The following CSMD1 variants were observed in gnomAD, a reference collection of about 807,000 sequenced individuals.
CSMD1 encodes CUB and Sushi multiple domains 1.
In CSMD1, 213 loss-of-function variants were observed where a neutral mutation model predicts 417.5. That is an observed-to-expected ratio of 0.51 (90% CI 0.46 to 0.57). The LOEUF is 0.57. Among genes scored for constraint, CSMD1 ranks in the 20% least tolerant of loss-of-function variants. The pLI, the probability that CSMD1 is intolerant of heterozygous loss-of-function variation, is 0.00. For synonymous variants in CSMD1, 2,862 were observed against 1,736.8 expected, an observed-to-expected ratio of 1.65 and a Z score of -16.11; for missense variants, 6,923 against 4,529.7, an observed-to-expected ratio of 1.53 and a Z score of -15.17.
intron 5 of CSMD1, among the ~76,000 whole-genome samples, chr8:3,923,833 T>A (rs1165032234): frequency 6.6e-6 from 1 of 152,232 alleles, no homozygotes; most frequent in Non-Finnish European, 1.5e-5. Flanking sequence ...TTCAATTTTT[T>A]ACATTCCATA....
chr8:2,975,733 A>G (rs1804855557), intron 55 of CSMD1, among the ~76,000 whole-genome samples: 1 of 152,192 alleles, frequency 6.6e-6, no homozygotes, highest in Admixed American at 6.5e-5. Flanking sequence ...TCACAGCAAA[A>G]TCAGACATGG....
chr8:3,743,994 A>G (rs1326559515), intron 6 of CSMD1, among the ~76,000 whole-genome samples: 1 of 152,178 alleles, frequency 6.6e-6, no homozygotes, highest in Non-Finnish European at 1.5e-5. Flanking sequence ...CCCCCGTTAC[A>G]TGAAAATTGT....
At chr8:4,652,827 G>A (rs986697225) in intron 1 of CSMD1, among the ~76,000 whole-genome samples, 1 of 152,052 alleles carries the variant, frequency 6.6e-6, no homozygotes, top group African/African-American at 2.4e-5. Context: ...TTCTCATAAA[G>A]ACTGCACAAA....
intron 3 of CSMD1, among the ~76,000 whole-genome samples, chr8:4,399,877 T>G (rs1226203392): frequency 1.3e-5 from 2 of 152,152 alleles, no homozygotes; most frequent in African/African-American, 4.8e-5. Context: ...TGTACCAAAG[T>G]AGTAAATATC....
chr8:3,549,283 T>C (rs904889188), intron 10 of CSMD1, among the ~76,000 whole-genome samples: 1 of 152,240 alleles, frequency 6.6e-6, no homozygotes, highest in African/African-American at 2.4e-5. Flanking sequence ...TGACTGTGTG[T>C]CCTGCAAAAT....
At chr8:3,585,127 C>T (rs1800543491) in intron 9 of CSMD1, among the ~76,000 whole-genome samples, 1 of 152,006 alleles carries the variant, frequency 6.6e-6, no homozygotes, top group Non-Finnish European at 1.5e-5. Flanking sequence ...TGTGACTGAC[C>T]CCTAGTGGTT....
At position 4,638,374 on chromosome 8, in the gene CSMD1, G is replaced by C. The variant is rs73506880; in HGVS notation, c.86-816C>G. Among the ~76,000 whole-genome samples, 755 of 152,302 alleles carry C rather than the reference G, an allele frequency of 5.0e-3. 12 individuals carry two copies. Among genetic ancestry groups the C allele is most frequent in the African/African-American group, 0.017 (727 of 41,568 alleles). Reference sequence around the variant, plus strand: ...ACGCCAGTGATTGATCGGTGCCTGTGCTGGCAAATGTCTTACTGGGCAGAA... The same window carrying C: ...ACGCCAGTGATTGATCGGTGCCTGTCCTGGCAAATGTCTTACTGGGCAGAA... On this transcript the variant is annotated intron_variant, in intron 1 of 69. Transcript: ENST00000635120.
intron 8 of CSMD1, among the ~76,000 whole-genome samples, chr8:3,603,581 A>T (rs1019530710): frequency 5.9e-5 from 9 of 152,218 alleles, no homozygotes; most frequent in African/African-American, 2.2e-4. Flanking sequence ...AAAAAATAAA[A>T]GACAGTTCTT....
intron 5 of CSMD1, among the ~76,000 whole-genome samples, chr8:3,819,784 A>C (rs1162927801): frequency 1.3e-5 from 2 of 152,104 alleles, no homozygotes; most frequent in African/African-American, 4.8e-5. Flanking sequence ...AGATGTAAGC[A>C]ATCCTTTTGC....
At chr8:4,952,816 T>A (rs1585397301) in intron 1 of CSMD1, among the ~76,000 whole-genome samples, 1 of 152,312 alleles carries the variant, frequency 6.6e-6, no homozygotes. Context: ...TACACAGTAA[T>A]CAGCGTTTTT....
intron 5 of CSMD1, among the ~76,000 whole-genome samples, chr8:3,867,466 C>G (rs1029967309): frequency 1.5e-4 from 23 of 152,046 alleles, no homozygotes; most frequent in Non-Finnish European, 2.2e-4. Context: ...AATAACTAAA[C>G]AAAATATATC....
intron 11 of CSMD1, among the ~76,000 whole-genome samples, chr8:3,479,735 G>A (rs1191532617): frequency 6.6e-6 from 1 of 151,934 alleles, no homozygotes; most frequent in Non-Finnish European, 1.5e-5. Flanking sequence ...CAAGAGCCAA[G>A]GAAATCACGG....
At chr8:3,512,881 C>T (rs7819531) in intron 10 of CSMD1, among the ~76,000 whole-genome samples, 55,008 of 151,870 alleles carry the variant, frequency 0.36, 12,499 homozygotes, top group African/African-American at 0.64. Context: ...CAGGTGTGAG[C>T]CACTGCACTT....
intron 5 of CSMD1, among the ~76,000 whole-genome samples, chr8:3,966,836 G>A (rs1374842916): frequency 2.0e-5 from 3 of 152,102 alleles, no homozygotes; most frequent in African/African-American, 7.2e-5. Context: ...AATCAATTCT[G>A]TACAGACACT....
intron 16 of CSMD1, among the ~76,000 whole-genome samples, chr8:3,398,084 C>G (rs544347004): frequency 1.3e-5 from 2 of 152,074 alleles, no homozygotes; most frequent in African/African-American, 4.8e-5. Context: ...TGGGAAAAAT[C>G]AAGCAAATAT....
At chr8:3,354,268 TTTAACAGAGATGTTTC>T (rs1179745726) in intron 21 of CSMD1, among the ~76,000 whole-genome samples, 1 of 152,190 alleles carries the variant, frequency 6.6e-6, no homozygotes, top group Non-Finnish European at 1.5e-5. Context: ...ATGCCTCACA[TTTAACAGAGATGTTTC>T]TTAACATAAT....
chr8:3,704,736 C>G (rs542932821), intron 7 of CSMD1: 17 of 152,328 alleles, frequency 1.1e-4, no homozygotes, highest in African/African-American at 4.1e-4. Flanking sequence ...AACCAGACCA[C>G]TGACCTTGAT....
At chr8:3,245,762 A>G (rs1017834656) in intron 26 of CSMD1, among the ~76,000 whole-genome samples, 1 of 152,186 alleles carries the variant, frequency 6.6e-6, no homozygotes, top group Non-Finnish European at 1.5e-5. Flanking sequence ...AGAACGGACT[A>G]TGTGTTGACC....
At chr8:4,229,231 G>C in intron 3 of CSMD1, among the ~76,000 whole-genome samples, 1 of 152,134 alleles carries the variant, frequency 6.6e-6, no homozygotes, top group East Asian at 1.9e-4. Context: ...TGGCCAATTT[G>C]GCTAGTCCTA....
Sources: gnomAD v4.1 joint callset for allele counts (sites outside exome capture counted in the v4.1 genomes callset) on GRCh38, gnomAD v4.1.1 for gene constraint, MANE v1.5 for transcripts, NCBI Gene and HGNC (gene_info 2026-07-23, HGNC 2026-07-21) for gene names.